Variants in RBFOX1 observed in about 807,000 individuals in gnomAD.
RBFOX1 encodes the protein RNA binding fox-1 homolog 1.
RBFOX1 carries 8 observed loss-of-function variants against 57.7 expected under a neutral mutation model. The ratio of observed to expected loss-of-function variants is 0.14; its 90% confidence interval spans 0.08 to 0.25. The LOEUF (loss-of-function observed/expected upper bound fraction) is 0.25. Among genes scored for constraint, RBFOX1 ranks in the 10% least tolerant of loss-of-function variants. The pLI is 1.00. For synonymous variants in RBFOX1, 326 were observed against 222.4 expected, an observed-to-expected ratio of 1.47 and a Z score of -4.15; for missense variants, 611 against 548.5, an observed-to-expected ratio of 1.11 and a Z score of -1.14.
At chr16:6,355,878 G>C (rs1021529067) in intron 2 of RBFOX1, among the ~76,000 whole-genome samples, 1 of 152,282 alleles carries the variant, frequency 6.6e-6, no homozygotes. Flanking sequence ...ATGATCAGGA[G>C]CAACTTCTAT....
intron 4 of RBFOX1, among the ~76,000 whole-genome samples, chr16:7,178,378 T>G (rs2082074198): frequency 6.6e-6 from 1 of 152,186 alleles, no homozygotes. Context: ...TGGGCATAGC[T>G]ACTTGCAAGG....
At chr16:7,518,522 A>G (rs904338500) in intron 5 of RBFOX1, 133 bp downstream of exon 5, 3 of 1,191,552 alleles carry the variant, frequency 2.5e-6, no homozygotes, top group Non-Finnish European at 3.4e-6. Flanking sequence ...CACCCTCATC[A>G]TACCAGCTTC....
intron 3 of RBFOX1, among the ~76,000 whole-genome samples, chr16:6,868,628 C>T (rs187374888): frequency 9.2e-5 from 14 of 152,172 alleles, no homozygotes; most frequent in Admixed American, 2.0e-4. Flanking sequence ...CACACCACCA[C>T]GCCCAGCTAA....
chr16:5,457,426 C>T (rs34022474), intron 1 of RBFOX1, among the ~76,000 whole-genome samples: 54,101 of 152,098 alleles, frequency 0.36, 10,943 homozygotes, highest in East Asian at 0.52. Context: ...TGAGCCCCTG[C>T]ACCCAGCCCA....
chr16:5,472,793 C>T (rs2069182512), intron 2 of RBFOX1, among the ~76,000 whole-genome samples: 1 of 152,152 alleles, frequency 6.6e-6, no homozygotes, highest in African/African-American at 2.4e-5. Context: ...GTAATTAGAG[C>T]AGGATTTGCC....
intron 1 of RBFOX1, among the ~76,000 whole-genome samples, chr16:5,372,136 T>G (rs917439941): frequency 6.6e-6 from 1 of 152,178 alleles, no homozygotes; most frequent in African/African-American, 2.4e-5. Flanking sequence ...TGTGAAGGCA[T>G]TCTTGAACTG....
At chr16:6,203,927 G>T (rs958499464) in intron 1 of RBFOX1, among the ~76,000 whole-genome samples, 3 of 151,052 alleles carry the variant, frequency 2.0e-5, no homozygotes, top group Admixed American at 1.3e-4. Flanking sequence ...CAAACACAGA[G>T]AAATCATATT....
chr16:7,710,658 G>C lies in RBFOX1; in HGVS notation c.1107G>C (p.Arg369Ser). The change falls in exon 16 of 16, where the codon AGG becomes AGC. Residue 369 changes from arginine (R) to serine (S), a missense_variant. Transcript: ENST00000550418. ...CACCTTTGACTGATGCCAAGACTAG[G>C]AGCCATGCTGATGATGTGGGTCTCG... The part of the protein sequence containing the change: ...AFAPLTDAKT[R>S]SHADDVGLVL... The C allele has an allele frequency of 1.9e-6, 3 of 1,613,466 alleles. No individual in the cohort carries two copies. The highest frequency in any genetic ancestry group is 2.5e-6 in the Non-Finnish European group (3 of 1,179,764).
intron 4 of RBFOX1, among the ~76,000 whole-genome samples, chr16:7,189,775 T>C (rs2084922773): frequency 6.6e-6 from 1 of 152,220 alleles, no homozygotes; most frequent in African/African-American, 2.4e-5. Context: ...TTCTATAACT[T>C]TCCCTATGCA....
intron 4 of RBFOX1, among the ~76,000 whole-genome samples, chr16:7,108,580 G>T (rs1030615935): frequency 1.3e-5 from 2 of 152,112 alleles, no homozygotes; most frequent in Non-Finnish European, 2.9e-5. Flanking sequence ...TTGTGTTTGC[G>T]TATGGTTCAG....
chr16:5,796,605 C>T (rs2054887722), intron 3 of RBFOX1, among the ~76,000 whole-genome samples: 1 of 152,132 alleles, frequency 6.6e-6, no homozygotes, highest in Non-Finnish European at 1.5e-5. Flanking sequence ...AGCAGCAGAC[C>T]TTTCATGAGC....
intron 3 of RBFOX1, among the ~76,000 whole-genome samples, chr16:7,034,144 C>G (rs867467095): frequency 1.3e-5 from 2 of 152,136 alleles, no homozygotes; most frequent in African/African-American, 2.4e-5. Context: ...CTGAGTGATT[C>G]TCATTGCTGG....
At chr16:7,300,417 C>G (rs2096004479) in intron 4 of RBFOX1, among the ~76,000 whole-genome samples, 1 of 152,218 alleles carries the variant, frequency 6.6e-6, no homozygotes, top group Non-Finnish European at 1.5e-5. Flanking sequence ...AAGATACTTT[C>G]ATGCTCACTT....
At chr16:7,160,099 C>G (rs138945612) in intron 4 of RBFOX1, among the ~76,000 whole-genome samples, 10 of 152,080 alleles carry the variant, frequency 6.6e-5, no homozygotes, top group African/African-American at 2.4e-4. Context: ...GAACTAATTT[C>G]TTACCACAAC....
At chr16:7,379,473 C>T (rs2097749100) in intron 4 of RBFOX1, among the ~76,000 whole-genome samples, 1 of 152,134 alleles carries the variant, frequency 6.6e-6, no homozygotes, top group African/African-American at 2.4e-5. Context: ...AGAAGAATGG[C>T]TTCTGCCATT....
At chr16:6,575,617 G>T (rs1055653697) in intron 2 of RBFOX1, among the ~76,000 whole-genome samples, 2 of 152,102 alleles carry the variant, frequency 1.3e-5, no homozygotes, top group Non-Finnish European at 2.9e-5. Context: ...CAGCACTTTG[G>T]GAGGCCACGG....
At chr16:7,250,038 G>C (rs370743082) in intron 4 of RBFOX1, among the ~76,000 whole-genome samples, 3 of 152,210 alleles carry the variant, frequency 2.0e-5, no homozygotes, top group South Asian at 4.2e-4. Context: ...TGTTTTGCAC[G>C]TATTTGGTAA....
chr16:7,690,025 T>G (rs185429019), intron 14 of RBFOX1, among the ~76,000 whole-genome samples: 1 of 152,076 alleles, frequency 6.6e-6, no homozygotes, highest in Non-Finnish European at 1.5e-5. Context: ...TTGGAAGAGA[T>G]TCAGTGATTC....
intron 2 of RBFOX1, among the ~76,000 whole-genome samples, chr16:6,557,075 AC>A (rs2097112520): frequency 6.8e-6 from 1 of 147,226 alleles, no homozygotes; most frequent in African/African-American, 2.5e-5. Flanking sequence ...ATACATATAT[AC>A]ATATATACAT....
Sources: allele counts gnomAD v4.1 joint callset (sites outside exome capture counted in the v4.1 genomes callset), GRCh38; gene constraint gnomAD v4.1.1; transcripts MANE v1.5; gene names NCBI Gene and HGNC (gene_info 2026-07-23, HGNC 2026-07-21).